Variants in INSYN2A observed in about 807,000 individuals in gnomAD.
The protein encoded by INSYN2A is family with sequence similarity 196 member A.
In INSYN2A, 17 loss-of-function variants were observed where a neutral mutation model predicts 39.4. The observed-to-expected ratio is 0.43, with a 90% confidence interval of 0.30 to 0.65. The LOEUF (loss-of-function observed/expected upper bound fraction) is 0.65. Ranked by LOEUF, INSYN2A falls within the 30% of genes least tolerant of loss-of-function variation. The pLI is 0.14. For missense variants in INSYN2A, 595 were observed against 631.2 expected (o/e 0.94, Z 0.61); for synonymous variants, 255 against 265.7 (o/e 0.96, Z 0.39).
At position 127,176,162 on chromosome 10, in the gene INSYN2A, C is replaced by G; in HGVS notation, c.234G>C (p.Val78=). 2 of 1,614,120 alleles carry G rather than the reference C, an allele frequency of 1.2e-6. No individual in the cohort carries two copies. The highest frequency in any genetic ancestry group is 8.5e-7 in the Non-Finnish European group (1 of 1,180,026). The change falls in exon 4 of 6, where the codon GTG becomes GTC. Residue 78 remains valine (V), a synonymous_variant. Coordinates refer to ENST00000522781, the MANE Select transcript of INSYN2A (RefSeq NM_001039762.3). The surrounding 1 kb of genome is among the most constrained non-coding windows in gnomAD (Gnocchi z 4.4). ...ATTTGCGGTAGGCTGCTCTGCAGGA[C>G]ACGGGCTTGGCCTCCCGCTTCTCCC... ...QLGEKREAKP[V]SCRAAYRKYM... is the part of the protein sequence containing the mutation.
intron 4 of INSYN2A, among the ~76,000 whole-genome samples, chr10:127,162,790 C>A (rs1019133039): frequency 3.3e-5 from 5 of 152,234 alleles, no homozygotes; most frequent in African/African-American, 1.2e-4. Flanking sequence ...AGTCCCAGTT[C>A]ATCTGGGGCT....
Position 127,175,140 on chromosome 10 carries a change from G to C in INSYN2A, c.1184+72C>G. 7.5e-7 allele frequency: 1 copy of C among 1,339,404 alleles called. No homozygotes were observed. Among genetic ancestry groups the C allele is most frequent in the Non-Finnish European group, 1.0e-6 (1 of 959,772 alleles). The allele number at this position is 1,339,404 out of a possible 1,614,324, so 83.0% of individuals were successfully genotyped here. ...GGCTTTAGTCTCATTACAGACTTGG[G>C]TTTGGGGCTACAGATGGACTCTGTG... On this transcript the variant is annotated intron_variant, in intron 4 of 5. Coordinates refer to ENST00000522781, the MANE Select transcript of INSYN2A (RefSeq NM_001039762.3). This position sits in a 1 kb window ranked among gnomAD's most constrained non-coding sequence, Gnocchi z 6.3.
rs2133224375 is a variant in INSYN2A, at chr10:127,137,475, A to T, written c.*362T>A. 5.6e-6 allele frequency: 1 copy of T among 177,190 alleles called. No individual in the cohort carries two copies. Among genetic ancestry groups the T allele is most frequent in the Admixed American group, 6.3e-5 (1 of 15,978 alleles). 11.0% of individuals were successfully genotyped at this position (177,190 alleles called of 1,614,324 possible). On this transcript the variant is annotated 3_prime_UTR_variant, in exon 6 of 6. Transcript: ENST00000522781. ...AAAAAAAAAATCAAGGCTTGAAAAT[A>T]ATTATGAGTTATAGCTGTGTACAGG...
chr10:127,150,127 T>TG (rs1240526349), intron 5 of INSYN2A, among the ~76,000 whole-genome samples: 1 of 152,216 alleles, frequency 6.6e-6, no homozygotes, highest in Non-Finnish European at 1.5e-5. Flanking sequence ...CTGGCTCACT[T>TG]GGAGTCTATA....
At chr10:127,189,646 A>G (rs555614145) in intron 2 of INSYN2A, among the ~76,000 whole-genome samples, 85 of 152,360 alleles carry the variant, frequency 5.6e-4, no homozygotes, top group African/African-American at 1.9e-3. Flanking sequence ...AGTAATTGAG[A>G]AATGCAGTTA....
chr10:127,144,591 T>A (rs1000719937), intron 5 of INSYN2A, among the ~76,000 whole-genome samples: 11 of 152,372 alleles, frequency 7.2e-5, no homozygotes, highest in African/African-American at 2.4e-4. Context: ...TTTTCTGTTT[T>A]CATTTAAAAT....
intron 4 of INSYN2A, among the ~76,000 whole-genome samples, chr10:127,156,562 C>CTTCT (rs1455919233): frequency 5.9e-4 from 10 of 16,962 alleles, no homozygotes; most frequent in South Asian, 2.6e-3. Context: ...TCTTCTTCTT[C>CTTCT]TTTTTTTTTT....
intron 5 of INSYN2A, among the ~76,000 whole-genome samples, chr10:127,147,621 G>T (rs1276648871): frequency 6.6e-6 from 1 of 152,076 alleles, no homozygotes; most frequent in African/African-American, 2.4e-5. Flanking sequence ...GTCTCCCAGG[G>T]CCTGGTGCAG....
intron 5 of INSYN2A, among the ~76,000 whole-genome samples, chr10:127,143,795 C>T (rs1163814074): frequency 6.6e-6 from 1 of 152,148 alleles, no homozygotes; most frequent in Non-Finnish European, 1.5e-5. Context: ...GGATGTGACC[C>T]TGGCCACCTC....
chr10:127,144,711 A>G (rs2051624520), intron 5 of INSYN2A, among the ~76,000 whole-genome samples: 1 of 152,224 alleles, frequency 6.6e-6, no homozygotes, highest in African/African-American at 2.4e-5. Context: ...ATAGTTTAAA[A>G]TATCAGTGGT....
At chr10:127,152,700 G>A (rs1455204895) in intron 5 of INSYN2A, among the ~76,000 whole-genome samples, 2 of 152,330 alleles carry the variant, frequency 1.3e-5, no homozygotes, top group Middle Eastern at 3.4e-3. Flanking sequence ...CCTCAGTTGT[G>A]GCAACTGAAA....
chr10:127,155,265 T>A (rs2052926320), intron 4 of INSYN2A, among the ~76,000 whole-genome samples: 1 of 152,182 alleles, frequency 6.6e-6, no homozygotes, highest in South Asian at 2.1e-4. Context: ...GTCTGTTACA[T>A]CAACATTTGA....
intron 2 of INSYN2A, among the ~76,000 whole-genome samples, chr10:127,186,040 T>C (rs2056201548): frequency 6.6e-6 from 1 of 152,216 alleles, no homozygotes. Flanking sequence ...TAGCTTGGAA[T>C]AACAACGTTT....
chr10:127,191,946 T>C (rs2056785965), intron 2 of INSYN2A, among the ~76,000 whole-genome samples: 1 of 152,244 alleles, frequency 6.6e-6, no homozygotes, highest in Non-Finnish European at 1.5e-5. Context: ...ATGTCTCTCA[T>C]ATGTTGTAGT....
chr10:127,172,787 G>GT (rs1471314458), intron 4 of INSYN2A, among the ~76,000 whole-genome samples: 1 of 152,156 alleles, frequency 6.6e-6, no homozygotes, highest in Non-Finnish European at 1.5e-5. Context: ...TTGATTTAAG[G>GT]TGCCCAAGTC....
At chr10:127,140,653 GTTTGACACAC>G (rs113282710) in intron 5 of INSYN2A, among the ~76,000 whole-genome samples, 7,735 of 152,256 alleles carry the variant, frequency 0.051, 664 homozygotes, top group African/African-American at 0.18. Context: ...TCTGGGTTGA[GTTTGACACAC>G]CGAGTCTCTG....
chr10:127,143,383 C>G (rs546548771), intron 5 of INSYN2A, among the ~76,000 whole-genome samples: 2 of 152,270 alleles, frequency 1.3e-5, no homozygotes, highest in South Asian at 4.2e-4. Context: ...AGAGTCTTCC[C>G]CAGTGCTAAC....
intron 4 of INSYN2A, among the ~76,000 whole-genome samples, chr10:127,164,561 T>C (rs2053911761): frequency 6.6e-6 from 1 of 152,218 alleles, no homozygotes; most frequent in Admixed American, 6.5e-5. Flanking sequence ...AGAGCCATCA[T>C]GCATGATGAA....
chr10:127,190,066 A>G (rs1177942396), intron 2 of INSYN2A, among the ~76,000 whole-genome samples: 1 of 152,162 alleles, frequency 6.6e-6, no homozygotes, highest in Non-Finnish European at 1.5e-5. Context: ...TAAGAACATT[A>G]ATTTATCTGA....
Sources: allele counts gnomAD v4.1 joint callset (sites outside exome capture counted in the v4.1 genomes callset), GRCh38; gene constraint gnomAD v4.1.1; non-coding constraint Gnocchi (gnomAD v3.1); transcripts MANE v1.5; gene names NCBI Gene and HGNC (gene_info 2026-07-23, HGNC 2026-07-21).